PPFIA2: variants seen among roughly 807,000 people sequenced by gnomAD.
PPFIA2 encodes liprin-alpha-2.
Under a neutral mutation model 175.5 loss-of-function variants are expected in PPFIA2, and 46 were observed. The ratio of observed to expected loss-of-function variants is 0.26; its 90% CI spans 0.21 to 0.34. The LOEUF is 0.34. Ranked by LOEUF, PPFIA2 falls within the 10% of genes least tolerant of loss-of-function variation. The pLI, the probability that PPFIA2 is intolerant of heterozygous loss-of-function variation, is 1.00. For synonymous variants in PPFIA2, 568 were observed against 511.4 expected (o/e 1.11, Z -1.49); for missense variants, 1,179 against 1,506.1 (o/e 0.78, Z 3.60).
intron 3 of PPFIA2, among the ~76,000 whole-genome samples, chr12:81,684,996 A>C (rs945469981): frequency 5.9e-5 from 9 of 151,992 alleles, no homozygotes; most frequent in Non-Finnish European, 1.2e-4. Context: ...TCAATAAATC[A>C]ATGCTTGAAA....
chr12:81,319,543 ATAT>A (rs1295015777), intron 22 of PPFIA2, among the ~76,000 whole-genome samples: 1 of 151,824 alleles, frequency 6.6e-6, no homozygotes. Flanking sequence ...AAAATGTTGT[ATAT>A]TATTATATTC....
intron 18 of PPFIA2, among the ~76,000 whole-genome samples, chr12:81,345,478 TTCTC>T (rs905614369): frequency 7.9e-5 from 12 of 151,458 alleles, no homozygotes; most frequent in South Asian, 2.1e-4. Flanking sequence ...ACTGGCATCT[TTCTC>T]TCTCTCTCTG....
chr12:81,263,236 G>A lies in PPFIA2; in HGVS notation c.3710C>T (p.Thr1237Ile), dbSNP rs1593328959. 6.2e-7 allele frequency: 1 copy of A among 1,605,616 alleles called. No individual in the cohort carries two copies. The highest frequency in any genetic ancestry group is 1.3e-5 in the African/African-American group (1 of 74,914). The change falls in exon 31 of 33, where the codon ACA (threonine) becomes ATA (isoleucine). Residue 1237 changes from threonine to isoleucine, a missense_variant. Thr to Ile is a moderately conservative substitution (Grantham distance 89). Transcript: ENST00000549396. ...GCAATGCAAAACTACTGTACCATCT[G>A]TTGTCATTTTTCTTGACTGCCCAGA... ...TTSGQSRKMT[T>I]DVASSRLQRL...
intron 4 of PPFIA2, among the ~76,000 whole-genome samples, chr12:81,600,168 T>C (rs1272904053): frequency 1.3e-5 from 2 of 151,966 alleles, no homozygotes; most frequent in Admixed American, 6.6e-5. Flanking sequence ...CCTACATATA[T>C]TAAATAGATT....
intron 8 of PPFIA2, among the ~76,000 whole-genome samples, chr12:81,404,782 T>C (rs1182628867): frequency 6.6e-6 from 1 of 152,166 alleles, no homozygotes; most frequent in Non-Finnish European, 1.5e-5. Flanking sequence ...GTCCCTCTAT[T>C]TTTTCTAACC....
intron 7 of PPFIA2, among the ~76,000 whole-genome samples, chr12:81,438,571 C>T (rs1047463168): frequency 6.6e-6 from 1 of 152,154 alleles, no homozygotes; most frequent in Non-Finnish European, 1.5e-5. Flanking sequence ...TGTCTGTATG[C>T]ATAATGTATA....
intron 3 of PPFIA2, among the ~76,000 whole-genome samples, chr12:81,752,946 T>A (rs1397110993): frequency 6.6e-6 from 1 of 152,030 alleles, no homozygotes; most frequent in South Asian, 2.1e-4. Context: ...TTCATTTTTT[T>A]TTTTTTTGGA....
intron 4 of PPFIA2, among the ~76,000 whole-genome samples, chr12:81,667,199 C>A (rs998527360): frequency 1.3e-5 from 2 of 151,992 alleles, no homozygotes; most frequent in Non-Finnish European, 2.9e-5. Flanking sequence ...CTATATCTTC[C>A]CCTCAGACTT....
chr12:81,660,109 A>C (rs1207487372), intron 4 of PPFIA2, among the ~76,000 whole-genome samples: 1 of 152,186 alleles, frequency 6.6e-6, no homozygotes, highest in East Asian at 1.9e-4. Context: ...AAAGCAGAGC[A>C]GAAAAACTGA....
chr12:81,707,390 AC>A (rs762367010), intron 3 of PPFIA2, among the ~76,000 whole-genome samples: 9 of 152,224 alleles, frequency 5.9e-5, no homozygotes, highest in Non-Finnish European at 1.3e-4. Context: ...TCAGAAGAAG[AC>A]ATTTATGCAG....
intron 7 of PPFIA2, among the ~76,000 whole-genome samples, chr12:81,413,432 G>C (rs963844977): frequency 6.6e-6 from 1 of 151,762 alleles, no homozygotes; most frequent in African/African-American, 2.4e-5. Flanking sequence ...ATTCTGGGTA[G>C]AGCTCACTGG....
chr12:81,468,976 ACTCT>A (rs2056254042), intron 4 of PPFIA2, among the ~76,000 whole-genome samples: 1 of 151,918 alleles, frequency 6.6e-6, no homozygotes, highest in South Asian at 2.1e-4. Flanking sequence ...TCTTCTAGCC[ACTCT>A]CTCTGTGAAA....
chr12:81,570,899 T>C (rs377054807), intron 4 of PPFIA2, among the ~76,000 whole-genome samples: 5 of 152,040 alleles, frequency 3.3e-5, no homozygotes, highest in African/African-American at 9.6e-5. Context: ...TGGTTTATAT[T>C]CTTCTAAAGT....
chr12:81,367,960 A>T, intron 13 of PPFIA2: 1 of 474,626 alleles, frequency 2.1e-6, no homozygotes, highest in Non-Finnish European at 3.6e-6. Flanking sequence ...TAATGGGTAA[A>T]TTAATCAAAC....
intron 4 of PPFIA2, among the ~76,000 whole-genome samples, chr12:81,472,217 A>T (rs1446395189): frequency 6.6e-6 from 1 of 152,136 alleles, no homozygotes; most frequent in Non-Finnish European, 1.5e-5. Flanking sequence ...AGATTGGAGG[A>T]GGTGAGAGCT....
At chr12:81,642,997 AAT>A (rs1353869436) in intron 4 of PPFIA2, among the ~76,000 whole-genome samples, 2 of 147,112 alleles carry the variant, frequency 1.4e-5, no homozygotes, top group African/African-American at 2.5e-5. Flanking sequence ...ATGTGTATAT[AAT>A]ATATATTTTA....
chr12:81,562,715 C>T (rs1473991462), intron 4 of PPFIA2, among the ~76,000 whole-genome samples: 4 of 149,382 alleles, frequency 2.7e-5, no homozygotes, highest in Admixed American at 6.7e-5. Context: ...GGCGTAGTGG[C>T]GGGCGCCTGT....
chr12:81,757,574 C>T (rs1329186565), intron 2 of PPFIA2, among the ~76,000 whole-genome samples: 4 of 152,014 alleles, frequency 2.6e-5, no homozygotes, highest in East Asian at 3.9e-4. Context: ...TAAATTTAGC[C>T]GGAAGAATTT....
chr12:81,334,534 C>T (rs560297747), intron 21 of PPFIA2, among the ~76,000 whole-genome samples: 66 of 151,484 alleles, frequency 4.4e-4, no homozygotes, highest in Non-Finnish European at 8.5e-4. Flanking sequence ...GTCATAAATG[C>T]CCTCTTGGTA....
Sources: gnomAD v4.1 joint callset for allele counts (sites outside exome capture counted in the v4.1 genomes callset) on GRCh38, gnomAD v4.1.1 for gene constraint, MANE v1.5 for transcripts, NCBI Gene and HGNC (gene_info 2026-07-23, HGNC 2026-07-21) for gene names.